Variants in PIP5K1C observed in about 807,000 individuals in gnomAD.
The protein encoded by PIP5K1C is phosphatidylinositol 4-phosphate 5-kinase type-1 gamma.
PIP5K1C carries 45 observed loss-of-function variants against 80.1 expected under a neutral mutation model. The observed-to-expected ratio is 0.56, with a 90% CI of 0.44 to 0.72. The LOEUF is 0.72. PIP5K1C is among the 30% of genes least tolerant of loss of function. The pLI, the probability that PIP5K1C is intolerant of heterozygous loss-of-function variation, is 0.00. For missense variants in PIP5K1C, 753 were observed against 954.6 expected (o/e 0.79, Z 2.78); for synonymous variants, 498 against 420.1 (o/e 1.19, Z -2.27).
intron 1 of PIP5K1C, among the ~76,000 whole-genome samples, chr19:3,679,946 G>A (rs560844275): frequency 3.9e-4 from 59 of 152,356 alleles, no homozygotes; most frequent in Non-Finnish European, 7.5e-4. Flanking sequence ...AGATGCTGTG[G>A]GAGACACTGC....
chr19:3,676,352 C>T (rs777135493), intron 1 of PIP5K1C, among the ~76,000 whole-genome samples: 14 of 152,254 alleles, frequency 9.2e-5, no homozygotes, highest in Admixed American at 5.9e-4. Context: ...CGGCACCCAC[C>T]ACTCCCAGCA....
chr19:3,638,842 C>T (rs1235047585), intron 16 of PIP5K1C, 42 bp downstream of exon 16: 1 of 1,611,702 alleles, frequency 6.2e-7, no homozygotes, highest in Non-Finnish European at 8.5e-7. Context: ...GAGAGAGAGT[C>T]CGGTTGACGA....
At chr19:3,651,054 C>G (rs934327407) in intron 8 of PIP5K1C, among the ~76,000 whole-genome samples, 1 of 82,894 alleles carries the variant, frequency 1.2e-5, no homozygotes, top group African/African-American at 4.9e-5. Flanking sequence ...CCGCGCCCAG[C>G]GTTTTTTTTT....
chr19:3,637,045 G>A lies in PIP5K1C; in HGVS notation c.1920+1839C>T. The A allele has an allele frequency of 1.7e-6, 2 of 1,145,814 alleles. No individual in the cohort carries two copies. Among genetic ancestry groups the A allele is most frequent in the Non-Finnish European group, 2.2e-6 (2 of 927,730 alleles). The allele number at this position is 1,145,814 out of a possible 1,614,324, so 71.0% of individuals were successfully genotyped here. A position where few individuals can be genotyped will look rare whatever the true frequency, so the allele number is the denominator to read the frequency against. ...GCGCCTCCATCTGTGAGGTGGGTGT[G>A]GAGAGACCATCTCCTCCCCGTCTCC... On this transcript the variant is annotated intron_variant, in intron 16 of 17. Transcript: ENST00000335312. The surrounding 1 kb of genome is among the most constrained non-coding windows in gnomAD (Gnocchi z 7.0).
chr19:3,661,297 C>G (rs1378827273), intron 4 of PIP5K1C, among the ~76,000 whole-genome samples: 1 of 143,018 alleles, frequency 7.0e-6, no homozygotes, highest in East Asian at 2.2e-4. Flanking sequence ...CAACGGGGCC[C>G]ACAGTGTTGG....
At chr19:3,646,147 G>C (rs2034205580) in intron 10 of PIP5K1C, 89 bp from the exon 11 acceptor site, 1 of 799,662 alleles carries the variant, frequency 1.3e-6, no homozygotes. Flanking sequence ...GTATGTGTGT[G>C]GGGGGCACCT....
intron 6 of PIP5K1C, among the ~76,000 whole-genome samples, chr19:3,656,111 G>C (rs546905449): frequency 1.3e-4 from 20 of 152,316 alleles, no homozygotes; most frequent in South Asian, 1.2e-3. Flanking sequence ...CGGCTCATAG[G>C]GGGTGTTGGC....
At chr19:3,690,042 T>C (rs935834390) in intron 1 of PIP5K1C, among the ~76,000 whole-genome samples, 3 of 151,974 alleles carry the variant, frequency 2.0e-5, no homozygotes, top group Non-Finnish European at 4.4e-5. Context: ...GTGACAGTCA[T>C]TATCTCCACA....
At chr19:3,634,361 C>G (rs2033587015) in intron 16 of PIP5K1C, among the ~76,000 whole-genome samples, 1 of 151,880 alleles carries the variant, frequency 6.6e-6, no homozygotes, top group Non-Finnish European at 1.5e-5. Flanking sequence ...TCCAGCCTGG[C>G]CGCCCTGTCT....
chr19:3,691,717 C>A (rs1238482254), intron 1 of PIP5K1C, among the ~76,000 whole-genome samples: 1 of 150,988 alleles, frequency 6.6e-6, no homozygotes, highest in Non-Finnish European at 1.5e-5. Context: ...CAGAGTGCAT[C>A]TGAATACACG....
At chr19:3,635,958 C>A (rs1568306528) in intron 16 of PIP5K1C, among the ~76,000 whole-genome samples, 1 of 151,946 alleles carries the variant, frequency 6.6e-6, no homozygotes, top group South Asian at 2.1e-4. Context: ...CCAGCCTGGG[C>A]GACAGAACGA....
intron 16 of PIP5K1C, chr19:3,636,691 G>C (rs1291071941): frequency 1.0e-6 from 1 of 985,622 alleles, no homozygotes; most frequent in African/African-American, 1.7e-5. Context: ...TCCACCTCTT[G>C]GGGTCACTCC....
intron 5 of PIP5K1C, among the ~76,000 whole-genome samples, chr19:3,656,793 AG>A (rs1440685446): frequency 1.3e-5 from 2 of 152,218 alleles, no homozygotes; most frequent in Non-Finnish European, 2.9e-5. Context: ...CGCACTCCCC[AG>A]GCTGCCTGCT....
At chr19:3,685,319 G>C (rs1234186725) in intron 1 of PIP5K1C, among the ~76,000 whole-genome samples, 2 of 152,176 alleles carry the variant, frequency 1.3e-5, no homozygotes, top group Non-Finnish European at 2.9e-5. Flanking sequence ...GACAACTTCG[G>C]CACAGGTAAA....
intron 11 of PIP5K1C, 119 bp from the exon 12 acceptor site, chr19:3,644,370 CCT>C (rs1349686116): frequency 2.0e-6 from 2 of 1,018,404 alleles, no homozygotes; most frequent in South Asian, 1.5e-5. Context: ...CCTACCGGTC[CCT>C]GAGGCCAGGA....
chr19:3,649,214 T>G, intron 8 of PIP5K1C: 1 of 472 alleles, frequency 2.1e-3, no homozygotes, highest in African/African-American at 0.016. Flanking sequence ...CCCGGCACCA[T>G]GCCCACACGT....
intron 5 of PIP5K1C, among the ~76,000 whole-genome samples, chr19:3,657,350 C>A (rs2034667054): frequency 6.6e-6 from 1 of 152,208 alleles, no homozygotes. Context: ...CCCACGGGTG[C>A]TACCCTGCGT....
chr19:3,647,724 A>T (rs2034289759), intron 9 of PIP5K1C, among the ~76,000 whole-genome samples: 1 of 152,228 alleles, frequency 6.6e-6, no homozygotes, highest in Non-Finnish European at 1.5e-5. Flanking sequence ...AGGCAGGCAG[A>T]TCACCTGAGA....
At chr19:3,636,477 A>AC (rs1172036669) in intron 16 of PIP5K1C, 1 of 984,976 alleles carries the variant, frequency 1.0e-6, no homozygotes, top group Non-Finnish European at 1.2e-6. Flanking sequence ...AAGTCCAAGC[A>AC]CCCCCCTCCG....
Sources: gnomAD v4.1 joint callset for allele counts (sites outside exome capture counted in the v4.1 genomes callset) on GRCh38, gnomAD v4.1.1 for gene constraint, Gnocchi (gnomAD v3.1) non-coding constraint, MANE v1.5 for transcripts, NCBI Gene and HGNC (gene_info 2026-07-23, HGNC 2026-07-21) for gene names.